Variants in LETM1 observed in about 807,000 individuals in gnomAD.
LETM1 encodes the protein leucine zipper and EF-hand containing transmembrane protein 1, also known as mitochondrial proton/calcium exchanger protein.
A neutral mutation model predicts 74.5 loss-of-function variants in LETM1; 50 were observed. The observed-to-expected ratio is 0.67, with a 90% confidence interval of 0.53 to 0.85. LETM1 has a LOEUF of 0.85. Ranked by LOEUF, LETM1 falls within the 40% of genes least tolerant of loss-of-function variation. LETM1 has a pLI of 0.00. For missense variants in LETM1, 824 were observed against 967.8 expected (o/e 0.85, Z 1.97); for synonymous variants, 446 against 407.1 (o/e 1.10, Z -1.15).
At chr4:1,818,994 G>A (rs778612111) in intron 11 of LETM1, among the ~76,000 whole-genome samples, 1 of 151,130 alleles carries the variant, frequency 6.6e-6, no homozygotes, top group Admixed American at 6.6e-5. Context: ...TGAGGCACAA[G>A]AATTGCTTGA....
rs759031175 is a variant in LETM1, at chr4:1,825,594, C to T, written c.1170G>A (p.Thr390=). ...TCAGCTGACCCCTCAGGCGGTCTTC[C>T]GTGACGCCCAGGGCCCGCATGCCTC... ...RARGMRALGV[T]EDRLRGQLKQ... is the part of the protein sequence containing the mutation. Residue 390 remains threonine (T), a synonymous_variant, in exon 7 of 14, where the codon ACG becomes ACA. Coordinates refer to ENST00000302787, the MANE Select transcript of LETM1 (RefSeq NM_012318.3). 8.7e-6 allele frequency: 14 copies of T among 1,613,616 alleles called. No homozygotes were observed. Among genetic ancestry groups the T allele is most frequent in the Non-Finnish European group, 1.1e-5 (13 of 1,179,768 alleles).
In LETM1 at chr4:1,834,283, A is replaced by G; in HGVS notation, c.876+562T>C. The G allele has an allele frequency of 1.6e-6, 1 of 614,566 alleles. No individual in the cohort carries two copies. Among genetic ancestry groups the G allele is most frequent in the East Asian group, 1.4e-4 (1 of 7,118 alleles). The allele number at this position is 614,566 out of a possible 1,614,324, so 38.1% of individuals were successfully genotyped here. On this transcript the variant is annotated intron_variant, in intron 5 of 13. Coordinates refer to ENST00000302787, the MANE Select transcript of LETM1 (RefSeq NM_012318.3). This position sits in a 1 kb window ranked among gnomAD's most constrained non-coding sequence, Gnocchi z 5.0. The stretch of plus-strand genomic sequence containing the variant: ...CACTCCAAAGTGGCACAAGTCCCTC[A>G]AGCCAACAACACCGGCCTCGTGAAC...
intron 11 of LETM1, 134 bp from the exon 12 acceptor site, chr4:1,817,048 C>A (rs1711592681): frequency 6.1e-6 from 4 of 650,712 alleles, no homozygotes; most frequent in Non-Finnish European, 1.0e-5. Context: ...GAGTTCGAGA[C>A]CAGCCTGGCC....
At chr4:1,848,955 C>G (rs781101772) in intron 2 of LETM1, among the ~76,000 whole-genome samples, 194 bp downstream of exon 2, 4 of 152,042 alleles carry the variant, frequency 2.6e-5, no homozygotes, top group Non-Finnish European at 4.4e-5. Context: ...AGGAATGTTT[C>G]TATACTGTCT....
chr4:1,853,382 T>C (rs1713134607), intron 1 of LETM1, among the ~76,000 whole-genome samples: 1 of 152,236 alleles, frequency 6.6e-6, no homozygotes, highest in Admixed American at 6.5e-5. Context: ...AGCCTACTGA[T>C]CAAGGTCAAC....
At position 1,823,754 on chromosome 4, in the gene LETM1, G is replaced by T; in HGVS notation, c.1222C>A (p.Gln408Lys). 1 of 1,612,936 alleles carries T rather than the reference G, an allele frequency of 6.2e-7. No homozygotes were observed. Among genetic ancestry groups the T allele is most frequent in the Non-Finnish European group, 8.5e-7 (1 of 1,179,438 alleles). ...ATGAGCAGCGATGTGGGGATCTCCT[G>T]ATGCAGGTGCAGGTCCAGCCACTGC... is the stretch of plus-strand genomic sequence containing the variant. ...LKQWLDLHLH[Q>K]EIPTSLLILS... Residue 408 changes from glutamine (Q) to lysine (K), a missense_variant, in exon 8 of 14, where the codon CAG (glutamine) becomes AAG (lysine). This residue lies in a region of LETM1 where 172 missense variants were observed against 170.7 expected (regional missense o/e 1.01). Coordinates refer to ENST00000302787, the MANE Select transcript of LETM1 (RefSeq NM_012318.3).
chr4:1,848,393 A>G (rs1712954810), intron 2 of LETM1, among the ~76,000 whole-genome samples: 1 of 151,772 alleles, frequency 6.6e-6, no homozygotes, highest in Non-Finnish European at 1.5e-5. Context: ...CTAAAAATAC[A>G]AAAAATTAGC....
intron 2 of LETM1, 100 bp from the exon 3 acceptor site, chr4:1,841,897 C>T (rs754832350): frequency 2.0e-4 from 170 of 836,164 alleles, no homozygotes; most frequent in Non-Finnish European, 2.8e-4. Flanking sequence ...ATGCCCCGTG[C>T]CATGCCATGT....
At chr4:1,854,821 A>T (rs986425001) in intron 1 of LETM1, among the ~76,000 whole-genome samples, 5 of 152,108 alleles carry the variant, frequency 3.3e-5, no homozygotes, top group African/African-American at 1.2e-4. Flanking sequence ...CAAACAAAAA[A>T]AAACAAGAAT....
intron 5 of LETM1, 36 bp from the exon 6 acceptor site, chr4:1,832,983 CGCGCCCACCCG>C (rs767669283): frequency 6.2e-7 from 1 of 1,600,176 alleles, no homozygotes; most frequent in East Asian, 2.2e-5. Flanking sequence ...CCCCGGGACA[CGCGCCCACCCG>C]GCTCCCTCCC....
intron 6 of LETM1, among the ~76,000 whole-genome samples, chr4:1,830,891 G>A (rs889555684): frequency 1.3e-5 from 2 of 152,018 alleles, no homozygotes; most frequent in African/African-American, 2.4e-5. Context: ...GACCTCCTCC[G>A]GTGCATGGTG....
Position 1,819,620 on chromosome 4 carries a change from G to A in LETM1, c.1609-148C>T, listed in dbSNP as rs1711702424. ...TCATTGGTAACAAGAGACCCGCGGG[G>A]TTCAGGTTCACTGCTGCGCTGGCTG... On this transcript the variant is annotated intron_variant, in intron 10 of 13. Coordinates refer to ENST00000302787, the MANE Select transcript of LETM1 (RefSeq NM_012318.3). 1.3e-5 allele frequency: 11 copies of A among 856,626 alleles called. No homozygotes were observed. The Admixed American group carries it at 3.4e-4, about 27-fold the overall frequency. The allele number at this position is 856,626 out of a possible 1,614,324, so 53.1% of individuals were successfully genotyped here.
At position 1,825,506 on chromosome 4, in the gene LETM1, G is replaced by A. The variant is rs926896879; in HGVS notation, c.1200+58C>T. The A allele has an allele frequency of 8.9e-6, 14 of 1,574,656 alleles. 1 individual carries two copies. The highest frequency in any genetic ancestry group is 6.7e-5 in the African/African-American group (5 of 74,138). Reference sequence around the variant, plus strand: ...GGGAAGAGCCTCCGAGTGGCCTTTCGAGGCTGATGTTTCCCTTGAGCCCGT... The same window carrying A: ...GGGAAGAGCCTCCGAGTGGCCTTTCAAGGCTGATGTTTCCCTTGAGCCCGT... On this transcript the variant is annotated intron_variant, in intron 7 of 13. Transcript: ENST00000302787.
At chr4:1,830,647 G>A (rs966041284) in intron 6 of LETM1, among the ~76,000 whole-genome samples, 1 of 152,020 alleles carries the variant, frequency 6.6e-6, no homozygotes, top group African/African-American at 2.4e-5. Flanking sequence ...GTATCTTCTC[G>A]CAATATCTTT....
rs191966871 is a variant in LETM1 at position 1,844,923 on chromosome 4, G to A, written c.144-3126C>T. On this transcript the variant is annotated intron_variant, in intron 2 of 13. Transcript: ENST00000302787. The stretch of plus-strand genomic sequence containing the variant: ...AAAAAAAAAAAAGGCCAGGCACAGT[G>A]GCTCACGCCTGTAATCCTAGCACTT... Among the ~76,000 whole-genome samples the A allele has an allele frequency of 9.6e-4, 145 of 150,736 alleles. 4 individuals are homozygous for A. The East Asian group carries it at 0.021, about 22-fold the overall frequency.
chr4:1,854,504 G>A (rs1439998873), intron 1 of LETM1, among the ~76,000 whole-genome samples: 7 of 139,982 alleles, frequency 5.0e-5, no homozygotes, highest in Non-Finnish European at 6.1e-5. Flanking sequence ...AAAATTACAA[G>A]AATTGGGGGC....
In LETM1 at chr4:1,832,905, G is replaced by C; in HGVS notation, c.919C>G (p.Arg307Gly). 1.2e-6 allele frequency: 2 copies of C among 1,612,882 alleles called. No individual in the cohort carries two copies. The highest frequency in any genetic ancestry group is 1.1e-5 in the South Asian group (1 of 91,014). Reference protein sequence around the residue: ...GERPSNEEIMRFSKLFEDELT... With the variant: ...GERPSNEEIMGFSKLFEDELT... Reference sequence around the variant, plus strand: ...TCATCCTCAAATAATTTGGAAAAACGCATGATTTCCTCATTGCTGGGCCTC... The same window carrying C: ...TCATCCTCAAATAATTTGGAAAAACCCATGATTTCCTCATTGCTGGGCCTC... Residue 307 changes from arginine to glycine, a missense_variant, in exon 6 of 14, where the codon CGT (arginine) becomes GGT (glycine). This residue lies in a region of LETM1 where 269 missense variants were observed against 348.8 expected (regional missense o/e 0.77). Transcript: ENST00000302787.
At chr4:1,820,288 G>A (rs1711733119) in intron 10 of LETM1, among the ~76,000 whole-genome samples, 2 of 152,246 alleles carry the variant, frequency 1.3e-5, no homozygotes, top group South Asian at 2.1e-4. Flanking sequence ...TCCGTGGACA[G>A]CACTTGCATA....
intron 6 of LETM1, among the ~76,000 whole-genome samples, chr4:1,831,761 G>A (rs1414368383): frequency 6.6e-6 from 1 of 152,234 alleles, no homozygotes; most frequent in African/African-American, 2.4e-5. Context: ...AGAGATGCAG[G>A]CAGGCTCTTC....
Sources: gnomAD v4.1 joint callset for allele counts (sites outside exome capture counted in the v4.1 genomes callset) on GRCh38, gnomAD v4.1.1 for gene constraint, gnomAD v4.1.1 regional missense constraint, Gnocchi (gnomAD v3.1) non-coding constraint, MANE v1.5 for transcripts, NCBI Gene and HGNC (gene_info 2026-07-23, HGNC 2026-07-21) for gene names.